SLC36A1: variants seen among roughly 807,000 people sequenced by gnomAD.
SLC36A1 encodes proton-coupled amino acid transporter 1.
Under a neutral mutation model 47.5 loss-of-function variants are expected in SLC36A1, and 30 were observed. The observed-to-expected ratio is 0.63, with a 90% CI of 0.47 to 0.86. The LOEUF (loss-of-function observed/expected upper bound fraction) is 0.86. Ranked by LOEUF, SLC36A1 falls within the 40% of genes least tolerant of loss-of-function variation. The pLI, the probability that SLC36A1 is intolerant of heterozygous loss-of-function variation, is 0.00. For missense variants in SLC36A1, 517 were observed against 606.0 expected (o/e 0.85, Z 1.54); for synonymous variants, 255 against 249.7 (o/e 1.02, Z -0.20).
chr5:151,371,704 T>A, the SLC36A1 span, among the ~76,000 whole-genome samples: 208 of 152,366 alleles, frequency 1.4e-3, no homozygotes, highest in African/African-American at 4.8e-3. Flanking sequence ...AATAGGATTT[T>A]TTTTAAAAAC....
the SLC36A1 span, among the ~76,000 whole-genome samples, chr5:151,412,251 A>G: frequency 6.9e-6 from 1 of 144,788 alleles, no homozygotes; most frequent in South Asian, 2.5e-4. Flanking sequence ...TGGGGACAGA[A>G]ATGTAAATAT....
At chr5:151,547,881 G>A in the SLC36A1 span, among the ~76,000 whole-genome samples, 1 of 152,080 alleles carries the variant, frequency 6.6e-6, no homozygotes, top group East Asian at 1.9e-4. Flanking sequence ...TGAAAATGAT[G>A]GTTATGTGTT....
At chr5:151,427,044 A>T in the SLC36A1 span, among the ~76,000 whole-genome samples, 7 of 152,340 alleles carry the variant, frequency 4.6e-5, no homozygotes, top group East Asian at 1.2e-3. Context: ...TCAAGGCAGA[A>T]GAATTTTTCT....
chr5:151,540,582 G>A, the SLC36A1 span: 3 of 1,613,480 alleles, frequency 1.9e-6, no homozygotes, highest in Non-Finnish European at 2.5e-6. Context: ...AACACTGTGG[G>A]CTGTTATCAT....
the SLC36A1 span, among the ~76,000 whole-genome samples, chr5:151,379,859 A>G: frequency 1.2e-4 from 19 of 152,314 alleles, no homozygotes; most frequent in African/African-American, 2.2e-4. Flanking sequence ...CAAGCGCTCA[A>G]TGTGGCTAGC....
chr5:151,454,580 C>CA, intron 1 of SLC36A1, among the ~76,000 whole-genome samples: 1 of 152,072 alleles, frequency 6.6e-6, no homozygotes, highest in East Asian at 1.9e-4. Flanking sequence ...CTATTTGGAA[C>CA]AGATCTGTCT....
At chr5:151,537,000 C>T in the SLC36A1 span, among the ~76,000 whole-genome samples, 432 of 152,294 alleles carry the variant, frequency 2.8e-3, 2 homozygotes, top group Middle Eastern at 0.01. Flanking sequence ...GCCCTTTCCC[C>T]CACTCTCTTA....
chr5:151,442,556 C>T (rs1202069823), intron 1 of SLC36A1, among the ~76,000 whole-genome samples: 1 of 152,032 alleles, frequency 6.6e-6, no homozygotes, highest in Non-Finnish European at 1.5e-5. Context: ...TTATTGTTAC[C>T]TATGCTCATC....
chr5:151,505,723 C>A, the SLC36A1 span: 68 of 1,613,776 alleles, frequency 4.2e-5, no homozygotes, highest in Non-Finnish European at 5.6e-5. Flanking sequence ...CGCATACCCA[C>A]CCCCTTGTAG....
rs1171506049 is a variant in SLC36A1, at chr5:151,468,291, ATATTTTAT to A, written c.723+367_723+374del. On this transcript the variant is annotated intron_variant, in intron 7 of 10. Coordinates refer to ENST00000243389, the MANE Select transcript of SLC36A1 (RefSeq NM_078483.4). The stretch of plus-strand genomic sequence containing the variant: ...AATATATATATATATATATATATAT[ATATTTTAT>A]ATATATATATTTACATATATGTGTA... Among the ~76,000 whole-genome samples, 33 of 99,650 alleles carry A rather than the reference ATATTTTAT, an allele frequency of 3.3e-4. 3 individuals carry two copies. The highest frequency in any genetic ancestry group is 1.7e-3 in the South Asian group (5 of 2,900). The allele number at this position is 99,650 out of a possible 152,430, so 65.4% of individuals were successfully genotyped here.
chr5:151,370,460 T>G, the SLC36A1 span, among the ~76,000 whole-genome samples: 1 of 152,116 alleles, frequency 6.6e-6, no homozygotes, highest in Non-Finnish European at 1.5e-5. Context: ...CAGTTACTAC[T>G]AAAACTAAGG....
At chr5:151,455,983 G>C (rs1754435853) in intron 1 of SLC36A1, among the ~76,000 whole-genome samples, 2 of 152,266 alleles carry the variant, frequency 1.3e-5, no homozygotes, top group South Asian at 4.1e-4. Context: ...ATAGCAAGTG[G>C]CTTCAAGAGG....
At chr5:151,417,036 G>A in the SLC36A1 span, among the ~76,000 whole-genome samples, 1 of 152,116 alleles carries the variant, frequency 6.6e-6, no homozygotes, top group South Asian at 2.1e-4. Flanking sequence ...TGCTTCCTGA[G>A]GCCTCCCCAA....
chr5:151,363,316 C>T, the SLC36A1 span, among the ~76,000 whole-genome samples: 1 of 152,202 alleles, frequency 6.6e-6, no homozygotes, highest in African/African-American at 2.4e-5. Context: ...TCTGATTTGA[C>T]ATCTCCTTTG....
the SLC36A1 span, among the ~76,000 whole-genome samples, chr5:151,392,911 A>G: frequency 3.9e-5 from 6 of 152,158 alleles, no homozygotes; most frequent in East Asian, 5.8e-4. Flanking sequence ...GTAGATGTCT[A>G]TTAGGTCAGC....
At chr5:151,554,217 A>G in the SLC36A1 span, 1 of 726,160 alleles carries the variant, frequency 1.4e-6, no homozygotes, top group Non-Finnish European at 2.2e-6. Flanking sequence ...TGAAGCTGAG[A>G]CTCCCAGTTT....
At chr5:151,539,747 CAGCA>C in the SLC36A1 span, among the ~76,000 whole-genome samples, 1 of 152,230 alleles carries the variant, frequency 6.6e-6, no homozygotes, top group Admixed American at 6.5e-5. Context: ...AGCTCCATGA[CAGCA>C]ATTGTTGGTT....
At chr5:151,547,693 A>G in the SLC36A1 span, among the ~76,000 whole-genome samples, 1 of 152,220 alleles carries the variant, frequency 6.6e-6, no homozygotes, top group African/African-American at 2.4e-5. Context: ...GATTCCATTA[A>G]AAGCAGCTAA....
At chr5:151,407,518 T>G in the SLC36A1 span, among the ~76,000 whole-genome samples, 16 of 151,322 alleles carry the variant, frequency 1.1e-4, no homozygotes, top group Admixed American at 9.2e-4. Context: ...AGAGTGCTGA[T>G]TGGTGTGCTT....
Sources: gnomAD v4.1 joint callset for allele counts (sites outside exome capture counted in the v4.1 genomes callset) on GRCh38, gnomAD v4.1.1 for gene constraint, MANE v1.5 for transcripts, NCBI Gene and HGNC (gene_info 2026-07-23, HGNC 2026-07-21) for gene names.